Variants in HBS1L observed in about 807,000 individuals in gnomAD.
The protein encoded by HBS1L is HBS1 like translational GTPase.
Under a neutral mutation model 88.9 loss-of-function variants are expected in HBS1L, and 55 were observed. The ratio of observed to expected loss-of-function variants is 0.62; its 90% CI spans 0.50 to 0.77. The LOEUF (loss-of-function observed/expected upper bound fraction) is 0.77, where lower values mean the gene tolerates loss of function less well. Among genes scored for constraint, HBS1L ranks in the 30% least tolerant of loss-of-function variants. HBS1L has a pLI of 0.00. For missense variants in HBS1L, 741 were observed against 829.3 expected, an observed-to-expected ratio of 0.89 and a Z score of 1.31; for synonymous variants, 267 against 288.5, an observed-to-expected ratio of 0.93 and a Z score of 0.76.
At chr6:135,001,359 C>A (rs1178142262) in intron 5 of HBS1L, among the ~76,000 whole-genome samples, 1 of 152,090 alleles carries the variant, frequency 6.6e-6, no homozygotes, top group South Asian at 2.1e-4. Flanking sequence ...GATACCTATG[C>A]ATTTACTTCT....
intron 8 of HBS1L, among the ~76,000 whole-genome samples, chr6:134,991,012 C>A (rs537597976): frequency 6.6e-6 from 1 of 151,048 alleles, no homozygotes; most frequent in South Asian, 2.1e-4. Context: ...GCTACACAGC[C>A]AGTATTCAAT....
At position 135,039,751 on chromosome 6, in the gene HBS1L, G is replaced by A; in HGVS notation, c.252C>T (p.Cys84=). ...SGFDQARLYS[C]LDHMREVLGD... Reference sequence around the variant, plus strand: ...CAAGTACCTCTCTCATGTGATCAAGGCATGAATAAAGACGAGCTAGAAAAG... The same window carrying A: ...CAAGTACCTCTCTCATGTGATCAAGACATGAATAAAGACGAGCTAGAAAAG... Residue 84 remains cysteine, a synonymous_variant, in exon 4 of 18, where the codon TGC becomes TGT. Coordinates refer to ENST00000367837, the MANE Select transcript of HBS1L (RefSeq NM_006620.4). 17 of 1,611,878 alleles carry A rather than the reference G, an allele frequency of 1.1e-5. No individual in the cohort carries two copies. Among genetic ancestry groups the A allele is most frequent in the Non-Finnish European group, 1.4e-5 (17 of 1,179,424 alleles).
chr6:134,996,338 G>A (rs1775287808), intron 7 of HBS1L, among the ~76,000 whole-genome samples: 2 of 152,118 alleles, frequency 1.3e-5, no homozygotes, highest in Admixed American at 1.3e-4. Flanking sequence ...TTGGTAATTT[G>A]AATTTGCTGG....
At chr6:135,040,178 T>C (rs1444006752) in intron 3 of HBS1L, among the ~76,000 whole-genome samples, 1 of 152,170 alleles carries the variant, frequency 6.6e-6, no homozygotes, top group East Asian at 1.9e-4. Context: ...AGTATATTTC[T>C]TATATTTCTC....
intron 4 of HBS1L, among the ~76,000 whole-genome samples, chr6:135,011,822 C>T (rs1775783170): frequency 6.6e-6 from 1 of 150,540 alleles, no homozygotes. Context: ...AGGAGAATCA[C>T]TTGAACCCAG....
At chr6:134,980,561 G>A (rs1343917791) in intron 13 of HBS1L, among the ~76,000 whole-genome samples, 1 of 151,902 alleles carries the variant, frequency 6.6e-6, no homozygotes, top group Non-Finnish European at 1.5e-5. Flanking sequence ...TTAAACATTT[G>A]TAGATGTTTT....
rs201436834 is a variant in HBS1L at position 134,987,760 on chromosome 6, C to G, written c.1115G>C (p.Ser372Thr). The change falls in exon 9 of 18, where the codon AGC becomes ACC. Residue 372 changes from serine to threonine, a missense_variant. Transcript: ENST00000367837. ...ADVAVLVVDA[S>T]RGEFEAGFET... ...AAATCCAGCTTCAAACTCTCCCCTG[C>G]TGGCATCTACAACTAAAACAGCTAC... is the stretch of plus-strand genomic sequence containing the variant. 1.0e-5 allele frequency: 16 copies of G among 1,601,392 alleles called. No individual in the cohort carries two copies. In the African/African-American group the frequency reaches 2.0e-4, roughly 20 times the overall value.
intron 15 of HBS1L, among the ~76,000 whole-genome samples, chr6:134,975,322 A>C (rs1307063901): frequency 6.6e-6 from 1 of 152,150 alleles, no homozygotes; most frequent in African/African-American, 2.4e-5. Flanking sequence ...AATATCATGG[A>C]AGAGACCACA....
chr6:134,988,554 C>A (rs1001552442), intron 8 of HBS1L, among the ~76,000 whole-genome samples: 10 of 151,308 alleles, frequency 6.6e-5, no homozygotes, highest in African/African-American at 2.4e-4. Flanking sequence ...GAAAAAAATT[C>A]AAATTCAGTA....
chr6:135,027,255 G>A (rs1776261630), intron 4 of HBS1L: 1 of 140,196 alleles, frequency 7.1e-6, no homozygotes, highest in African/African-American at 2.6e-5. Context: ...ATTGTATTTT[G>A]TATTCTGCAA....
chr6:135,023,278 T>A (rs922528396), intron 4 of HBS1L, among the ~76,000 whole-genome samples: 2 of 151,794 alleles, frequency 1.3e-5, no homozygotes, highest in East Asian at 1.9e-4. Flanking sequence ...CCCCGTCTCT[T>A]CTAAAAATAC....
In HBS1L at chr6:134,985,329, G is replaced by A. The variant is rs1353973191; in HGVS notation, c.1492+12C>T. ...GGCTATACTGAAGAAGCACTACAAA[G>A]GTAGCACTTACCTTTGAAAACATCG... On this transcript the variant is annotated intron_variant, in intron 12 of 17. Coordinates refer to ENST00000367837, the MANE Select transcript of HBS1L (RefSeq NM_006620.4). 1 of 1,572,196 alleles carries A rather than the reference G, an allele frequency of 6.4e-7. No individual in the cohort carries two copies. Among genetic ancestry groups the A allele is most frequent in the South Asian group, 1.1e-5 (1 of 87,596 alleles).
intron 4 of HBS1L, among the ~76,000 whole-genome samples, chr6:135,029,192 C>T (rs1776318982): frequency 6.6e-6 from 1 of 152,086 alleles, no homozygotes; most frequent in South Asian, 2.1e-4. Context: ...TGGAGCATAA[C>T]TTTCCAAAAC....
intron 17 of HBS1L, 58 bp from the exon 18 acceptor site, chr6:134,965,348 A>G: frequency 8.5e-7 from 1 of 1,179,098 alleles, no homozygotes; most frequent in Admixed American, 2.1e-5. Context: ...ACATTATAAG[A>G]ACAACAAAGG....
chr6:134,978,014 T>C (rs866934999), intron 15 of HBS1L, among the ~76,000 whole-genome samples: 1 of 152,028 alleles, frequency 6.6e-6, no homozygotes. Flanking sequence ...GTTCAAATGA[T>C]GCTGGCAAAC....
chr6:134,982,274 TCA>T (rs1478034273), intron 13 of HBS1L, 182 bp downstream of exon 13: 1 of 561,392 alleles, frequency 1.8e-6, no homozygotes, highest in African/African-American at 1.9e-5. Flanking sequence ...ACAGACACAA[TCA>T]CAACAGAAAA....
intron 4 of HBS1L, among the ~76,000 whole-genome samples, chr6:135,005,637 T>C (rs1184242814): frequency 2.6e-5 from 4 of 152,162 alleles, no homozygotes; most frequent in Non-Finnish European, 5.9e-5. Context: ...GGGATCAAGC[T>C]GATAGAAAAG....
intron 17 of HBS1L, 103 bp downstream of exon 17, chr6:134,966,225 CT>C: frequency 9.7e-7 from 1 of 1,029,630 alleles, no homozygotes; most frequent in East Asian, 2.5e-5. Flanking sequence ...CTAATCAATG[CT>C]TTTTCTTTCA....
intron 13 of HBS1L, among the ~76,000 whole-genome samples, chr6:134,981,817 T>C (rs1394344430): frequency 6.6e-6 from 1 of 151,932 alleles, no homozygotes; most frequent in African/African-American, 2.4e-5. Context: ...CATGTATACA[T>C]ATACATAAAT....
Sources: gnomAD v4.1 joint callset for allele counts (sites outside exome capture counted in the v4.1 genomes callset) on GRCh38, gnomAD v4.1.1 for gene constraint, MANE v1.5 for transcripts, NCBI Gene and HGNC (gene_info 2026-07-23, HGNC 2026-07-21) for gene names.